PFKFB3: variants seen among roughly 807,000 people sequenced by gnomAD.
PFKFB3 encodes 6-phosphofructo-2-kinase/fructose-2,6-bisphosphatase 3.
Under a neutral mutation model 68.0 loss-of-function variants are expected in PFKFB3, and 33 were observed. That is an observed-to-expected ratio of 0.49 (90% CI 0.37 to 0.65). PFKFB3 has a LOEUF of 0.65. PFKFB3 is among the 30% of genes least tolerant of loss of function. The pLI, the probability that PFKFB3 is intolerant of heterozygous loss-of-function variation, is 0.00. For missense variants in PFKFB3, 586 were observed against 712.2 expected, an observed-to-expected ratio of 0.82 and a Z score of 2.02; for synonymous variants, 315 against 288.2, an observed-to-expected ratio of 1.09 and a Z score of -0.94.
At chr10:6,176,991 T>C (rs75030611) in intron 1 of PFKFB3, among the ~76,000 whole-genome samples, 1,650 of 152,314 alleles carry the variant, frequency 0.011, 67 homozygotes, top group East Asian at 0.099. Context: ...TGGGTGGCAG[T>C]GCCTGACTTC....
At chr10:6,247,601 A>T (rs1846286527) in intron 14 of PFKFB3, among the ~76,000 whole-genome samples, 1 of 151,982 alleles carries the variant, frequency 6.6e-6, no homozygotes, top group Non-Finnish European at 1.5e-5. Context: ...GTCCCATTCC[A>T]CTGTGAAGGT....
At chr10:6,147,422 G>A (rs1290861758) in intron 1 of PFKFB3, among the ~76,000 whole-genome samples, 1 of 152,220 alleles carries the variant, frequency 6.6e-6, no homozygotes, top group African/African-American at 2.4e-5. Context: ...TCCCCAGGCT[G>A]TGCTTCTGCC....
chr10:6,225,324 C>T (rs1262555342), intron 13 of PFKFB3: 1 of 410,250 alleles, frequency 2.4e-6, no homozygotes, highest in African/African-American at 2.0e-5. Flanking sequence ...CAGTCGCTGG[C>T]AGTTGCCTGG....
At chr10:6,322,220 C>T in the PFKFB3 span, among the ~76,000 whole-genome samples, 5 of 152,310 alleles carry the variant, frequency 3.3e-5, no homozygotes, top group Admixed American at 3.3e-4. Context: ...CCGTCTACCC[C>T]CTTACTACAG....
upstream of PFKFB3, chr10:6,202,831 A>G (rs1843419081): frequency 2.1e-6 from 2 of 968,412 alleles, no homozygotes; most frequent in Non-Finnish European, 2.5e-6. Context: ...CCCCACGTGG[A>G]AGGGGGCTGG....
At position 6,163,653 on chromosome 10, in the gene PFKFB3, CG is replaced by C. The variant is rs545933451; in HGVS notation, c.16+18643del. On this transcript the variant is annotated intron_variant, in intron 1 of 14. Transcript: ENST00000379789. ...TCGGGCGCCTAAGCCAGCTGGGTCCCGGGCCCCGGGAGCAGCTGCGGGCCCG... is the reference window on the plus strand; with the variant it reads ...TCGGGCGCCTAAGCCAGCTGGGTCCCGGCCCCGGGAGCAGCTGCGGGCCCG... Among the ~76,000 whole-genome samples the C allele has an allele frequency of 4.8e-4, 73 of 152,158 alleles. 1 individual carries two copies. The South Asian group carries it at 7.7e-3, about 16-fold the overall frequency.
At chr10:6,293,824 A>G in the PFKFB3 span, 1 of 403,360 alleles carries the variant, frequency 2.5e-6, no homozygotes, top group Admixed American at 3.0e-5. Flanking sequence ...ATTGATTTGG[A>G]GTACTTGGTT....
chr10:6,147,924 T>C (rs1229499106), intron 1 of PFKFB3, among the ~76,000 whole-genome samples: 1 of 152,082 alleles, frequency 6.6e-6, no homozygotes, highest in Non-Finnish European at 1.5e-5. Context: ...GTCTTCAGGG[T>C]ACAACAGAGA....
chr10:6,238,009 CA>C (rs1846059935), downstream of PFKFB3, among the ~76,000 whole-genome samples: 1 of 152,052 alleles, frequency 6.6e-6, no homozygotes, highest in Non-Finnish European at 1.5e-5. Flanking sequence ...GCGCTGGTTT[CA>C]ACCTACAGTT....
At chr10:6,311,162 G>C in the PFKFB3 span, among the ~76,000 whole-genome samples, 1 of 152,140 alleles carries the variant, frequency 6.6e-6, no homozygotes, top group Non-Finnish European at 1.5e-5. Flanking sequence ...GTCATATCAC[G>C]ACTGCTTTTC....
intron 1 of PFKFB3, among the ~76,000 whole-genome samples, chr10:6,178,751 G>A (rs1045390125): frequency 3.3e-5 from 5 of 152,250 alleles, no homozygotes; most frequent in Non-Finnish European, 4.4e-5. Flanking sequence ...TGTGCAGCAC[G>A]GACTGGGGGG....
the PFKFB3 span, among the ~76,000 whole-genome samples, chr10:6,291,516 C>T: frequency 6.7e-6 from 1 of 148,718 alleles, no homozygotes; most frequent in South Asian, 2.1e-4. Context: ...TGTGCCGCTG[C>T]ACTCCAGCCT....
the PFKFB3 span, among the ~76,000 whole-genome samples, chr10:6,314,875 C>A: frequency 6.6e-6 from 1 of 152,126 alleles, no homozygotes; most frequent in African/African-American, 2.4e-5. Context: ...TACCCCAGGA[C>A]GTCTCTTCTC....
the PFKFB3 span, among the ~76,000 whole-genome samples, chr10:6,281,166 C>CTCATATATATATAT: frequency 7.4e-3 from 622 of 84,212 alleles, 160 homozygotes; most frequent in South Asian, 0.019. Flanking sequence ...AGTATTCCAT[C>CTCATATATATATAT]ATATATATAT....
intron 1 of PFKFB3, among the ~76,000 whole-genome samples, chr10:6,178,474 G>T (rs187418585): frequency 1.6e-3 from 237 of 152,346 alleles, no homozygotes; most frequent in Non-Finnish European, 2.8e-3. Flanking sequence ...GCTCAGGCGG[G>T]AGCTTTGGGG....
intron 1 of PFKFB3, among the ~76,000 whole-genome samples, chr10:6,187,575 G>C (rs1176495443): frequency 6.6e-6 from 1 of 152,200 alleles, no homozygotes; most frequent in Non-Finnish European, 1.5e-5. Context: ...GTCTTTCGTT[G>C]TCAGCAAATG....
At chr10:6,185,868 G>C (rs1409774452) in intron 1 of PFKFB3, among the ~76,000 whole-genome samples, 2 of 152,134 alleles carry the variant, frequency 1.3e-5, no homozygotes, top group Non-Finnish European at 2.9e-5. Flanking sequence ...TTGAACTCCT[G>C]ACCTCAGGTG....
chr10:6,260,002 T>C, the PFKFB3 span, among the ~76,000 whole-genome samples: 1 of 152,224 alleles, frequency 6.6e-6, no homozygotes, highest in Non-Finnish European at 1.5e-5. Context: ...TGTGTATTAT[T>C]GTCCACATTG....
chr10:6,221,150 CTG>C (rs1302597291), intron 8 of PFKFB3, among the ~76,000 whole-genome samples: 1 of 152,028 alleles, frequency 6.6e-6, no homozygotes, highest in Non-Finnish European at 1.5e-5. Flanking sequence ...GTGTGTATCT[CTG>C]TGCATGTGTG....
Sources: allele counts gnomAD v4.1 joint callset (sites outside exome capture counted in the v4.1 genomes callset), GRCh38; gene constraint gnomAD v4.1.1; transcripts MANE v1.5; gene names NCBI Gene and HGNC (gene_info 2026-07-23, HGNC 2026-07-21).